The following ZNF492 variants were observed in gnomAD, a reference collection of about 807,000 sequenced individuals.
ZNF492 encodes the protein zinc finger protein 492.
ZNF492 carries 3 observed loss-of-function variants against 6.4 expected under a neutral mutation model. That is an observed-to-expected ratio of 0.47 (90% CI 0.21 to 1.22). The LOEUF is 1.22. Ranked by LOEUF, ZNF492 falls within the 50% of genes most tolerant of loss-of-function variation. ZNF492 has a pLI of 0.22. For synonymous variants in ZNF492, 112 were observed against 205.3 expected (o/e 0.55, Z 3.89); for missense variants, 356 against 612.5 (o/e 0.58, Z 4.42).
intron 1 of ZNF492, among the ~76,000 whole-genome samples, chr19:22,645,896 C>T (rs1410784771): frequency 6.6e-6 from 1 of 152,040 alleles, no homozygotes; most frequent in Non-Finnish European, 1.5e-5. Flanking sequence ...GTTTTTGGAC[C>T]AGTACCATGT....
At chr19:22,652,657 G>A (rs78448667) in intron 1 of ZNF492, among the ~76,000 whole-genome samples, 28,720 of 150,052 alleles carry the variant, frequency 0.19, 3,574 homozygotes, top group African/African-American at 0.36. Context: ...TCAGCTCACT[G>A]CAAGCTCCGC....
At chr19:22,648,526 G>A (rs759165730) in intron 1 of ZNF492, among the ~76,000 whole-genome samples, 6 of 152,158 alleles carry the variant, frequency 3.9e-5, no homozygotes, top group Non-Finnish European at 5.9e-5. Context: ...TTGTTGATCC[G>A]TCTAATATTG....
At chr19:22,637,440 A>T (rs1301085667) in intron 1 of ZNF492, among the ~76,000 whole-genome samples, 1 of 152,044 alleles carries the variant, frequency 6.6e-6, no homozygotes, top group Non-Finnish European at 1.5e-5. Context: ...CTACAGGCAC[A>T]CACCACCAGG....
intron 1 of ZNF492, among the ~76,000 whole-genome samples, chr19:22,636,259 C>G (rs934249307): frequency 2.1e-4 from 32 of 152,176 alleles, no homozygotes; most frequent in African/African-American, 7.7e-4. Flanking sequence ...GCCACCACTT[C>G]CAGCTAATTT....
chr19:22,649,309 G>A (rs1471327799), intron 1 of ZNF492, among the ~76,000 whole-genome samples: 1 of 152,198 alleles, frequency 6.6e-6, no homozygotes, highest in Non-Finnish European at 1.5e-5. Context: ...CTGTTAGTCT[G>A]ATGGACTTAT....
In ZNF492 at chr19:22,642,510, C is replaced by T. The variant is rs34159905; in HGVS notation, c.-94+8036C>T. Reference sequence around the variant, plus strand: ...GTTCACGCCATTCTGCTGCCTCAGCCTCCTGCGTAGCTGGGACTATAGGCA... The same window carrying T: ...GTTCACGCCATTCTGCTGCCTCAGCTTCCTGCGTAGCTGGGACTATAGGCA... On this transcript the variant is annotated intron_variant, in intron 1 of 3. Coordinates refer to ENST00000456783, the MANE Select transcript of ZNF492 (RefSeq NM_020855.3). Among the ~76,000 whole-genome samples, 27 of 104,428 alleles carry T rather than the reference C, an allele frequency of 2.6e-4. 1 individual carries two copies. Among genetic ancestry groups the T allele is most frequent in the African/African-American group, 4.4e-4 (8 of 18,364 alleles). 68.5% of individuals were successfully genotyped at this position (104,428 alleles called of 152,430 possible).
rs1384531897 is a variant in ZNF492, at chr19:22,666,379, C to T, written c.*1114C>T. 1.3e-5 allele frequency: 2 copies of T among 151,928 alleles called. No homozygotes were observed. Among genetic ancestry groups the T allele is most frequent in the African/African-American group, 2.4e-5 (1 of 41,368 alleles). The allele number at this position is 151,928 out of a possible 1,614,324, so 9.4% of individuals were successfully genotyped here. On this transcript the variant is annotated 3_prime_UTR_variant, in exon 4 of 4. Coordinates refer to ENST00000456783, the MANE Select transcript of ZNF492 (RefSeq NM_020855.3). ...CTAAATTTTGTATTTTTAATAGAGCCAGGGTTTTGCCATGTTGGCCAGGCT... is the reference window on the plus strand; with the variant it reads ...CTAAATTTTGTATTTTTAATAGAGCTAGGGTTTTGCCATGTTGGCCAGGCT...
rs760971705 is a variant in ZNF492, at chr19:22,656,497, G to C, written c.130+2482G>C. Among the ~76,000 whole-genome samples the C allele has an allele frequency of 6.6e-5, 10 of 152,176 alleles. No individual in the cohort carries two copies. The South Asian group carries it at 1.7e-3, about 25-fold the overall frequency. On this transcript the variant is annotated intron_variant, in intron 3 of 3. Coordinates refer to ENST00000456783, the MANE Select transcript of ZNF492 (RefSeq NM_020855.3). ...GTGGGTTTCTACATAGGCAGAACTT[G>C]CCATGAACTGTGGCTCAGGGTGATA... is the stretch of plus-strand genomic sequence containing the variant.
rs115773823 is a variant in ZNF492 at position 22,638,475 on chromosome 19, C to A, written c.-94+4001C>A. ...AGTACCATTTATTAAATAGGGATTT[C>A]TTTCCAGATTCCTGTTGTTAGCTTT... On this transcript the variant is annotated intron_variant, in intron 1 of 3. Transcript: ENST00000456783. Among the ~76,000 whole-genome samples the A allele has an allele frequency of 6.0e-3, 919 of 152,168 alleles. 11 individuals are homozygous for A. Among genetic ancestry groups the A allele is most frequent in the African/African-American group, 0.019 (771 of 41,522 alleles).
At chr19:22,635,678 A>G (rs1339994694) in intron 1 of ZNF492, among the ~76,000 whole-genome samples, 1 of 152,236 alleles carries the variant, frequency 6.6e-6, no homozygotes, top group Non-Finnish European at 1.5e-5. Flanking sequence ...ATTTGTGCTT[A>G]GCAACCCTGT....
intron 3 of ZNF492, among the ~76,000 whole-genome samples, chr19:22,656,746 C>A (rs1384589780): frequency 1.3e-5 from 2 of 152,008 alleles, no homozygotes; most frequent in Non-Finnish European, 2.9e-5. Context: ...AACAGGGGTC[C>A]TATAGTTTGC....
chr19:22,637,555 C>G (rs932564805), intron 1 of ZNF492, among the ~76,000 whole-genome samples: 1 of 152,110 alleles, frequency 6.6e-6, no homozygotes, highest in African/African-American at 2.4e-5. Flanking sequence ...CTCAGCCTCC[C>G]AAAATGCTGA....
Position 22,665,154 on chromosome 19 carries a change from T to C in ZNF492, c.1485T>C (p.His495=). Residue 495 remains histidine, a synonymous_variant, in exon 4 of 4, where the codon CAT becomes CAC. Coordinates refer to ENST00000456783, the MANE Select transcript of ZNF492 (RefSeq NM_020855.3). Reference sequence around the variant, plus strand: ...ACAACTCCTCTATTCTTAACAGACATAAGATGATTCATACTGGAGAGAAAC... The same window carrying C: ...ACAACTCCTCTATTCTTAACAGACACAAGATGATTCATACTGGAGAGAAAC... ...AFNNSSILNR[H]KMIHTGEKLY... is the part of the protein sequence containing the mutation. The C allele has an allele frequency of 3.1e-6, 5 of 1,611,310 alleles. No homozygotes were observed. Among genetic ancestry groups the C allele is most frequent in the Non-Finnish European group, 4.2e-6 (5 of 1,179,570 alleles).
chr19:22,646,061 G>A (rs1248473723), intron 1 of ZNF492, among the ~76,000 whole-genome samples: 14 of 152,160 alleles, frequency 9.2e-5, no homozygotes, highest in Non-Finnish European at 2.9e-5. Flanking sequence ...TGTGAAGAAT[G>A]TGAATGGTAG....
At chr19:22,644,631 A>T (rs1237686936) in intron 1 of ZNF492, among the ~76,000 whole-genome samples, 1 of 152,124 alleles carries the variant, frequency 6.6e-6, no homozygotes, top group Non-Finnish European at 1.5e-5. Context: ...TCTGTCATTG[A>T]TGGGCATTTG....
intron 1 of ZNF492, among the ~76,000 whole-genome samples, chr19:22,646,775 C>A (rs1416108917): frequency 6.6e-6 from 1 of 152,142 alleles, no homozygotes; most frequent in East Asian, 1.9e-4. Context: ...TTGAGATAAT[C>A]ATGTGATTTT....
intron 1 of ZNF492, among the ~76,000 whole-genome samples, chr19:22,647,257 G>A (rs1299539237): frequency 7.1e-6 from 1 of 140,296 alleles, no homozygotes; most frequent in Non-Finnish European, 1.5e-5. Flanking sequence ...TTTGTTTGTT[G>A]TTGTTTTTTT....
At chr19:22,656,502 G>A (rs1971998048) in intron 3 of ZNF492, among the ~76,000 whole-genome samples, 1 of 152,058 alleles carries the variant, frequency 6.6e-6, no homozygotes, top group South Asian at 2.1e-4. Flanking sequence ...AACTTGCCAT[G>A]AACTGTGGCT....
Position 22,665,125 on chromosome 19 carries a change from TTTAACAAC to T in ZNF492, c.1458_1465del (p.Asn487LeufsTer4), listed in dbSNP as rs1343698858. On this transcript the variant is annotated frameshift_variant, in exon 4 of 4. Transcript: ENST00000456783. LOFTEE classifies it low-confidence loss of function (END_TRUNC). ...CAAGTGTGAAGAATGTGGCAAAGCC[TTTAACAAC>T]TCCTCTATTCTTAACAGACATAAGA... 1 of 1,608,688 alleles carries T rather than the reference TTTAACAAC, an allele frequency of 6.2e-7. No homozygotes were observed. Among genetic ancestry groups the T allele is most frequent in the Non-Finnish European group, 8.5e-7 (1 of 1,179,812 alleles).
Sources: allele counts gnomAD v4.1 joint callset (sites outside exome capture counted in the v4.1 genomes callset), GRCh38; gene constraint gnomAD v4.1.1; transcripts MANE v1.5; gene names NCBI Gene and HGNC (gene_info 2026-07-23, HGNC 2026-07-21).